EDARADD: variants seen among roughly 807,000 people sequenced by gnomAD.
EDARADD encodes EDAR associated via death domain.
EDARADD carries 20 observed loss-of-function variants against 25.6 expected under a neutral mutation model. The ratio of observed to expected loss-of-function variants is 0.78; its 90% CI spans 0.55 to 1.14. The LOEUF is 1.14. Ranked by LOEUF, EDARADD falls within the 50% of genes most tolerant of loss-of-function variation. The probability of loss-of-function intolerance (pLI) is 0.00; values close to 1 mark genes in which losing one functional copy is unlikely to be tolerated. For missense variants in EDARADD, 225 were observed against 270.1 expected, an observed-to-expected ratio of 0.83 and a Z score of 1.17; for synonymous variants, 86 against 94.4, an observed-to-expected ratio of 0.91 and a Z score of 0.52.
At chr1:236,480,096 C>CATATATATATATATATATATAT (rs72215388) in intron 5 of EDARADD, among the ~76,000 whole-genome samples, 1 of 77,834 alleles carries the variant, frequency 1.3e-5, no homozygotes, top group African/African-American at 6.2e-5. Context: ...TTAAGTATGC[C>CATATATATATATATATATATAT]ATATATATAT....
intron 4 of EDARADD, among the ~76,000 whole-genome samples, chr1:236,442,129 CT>C (rs74899359): frequency 0.056 from 8,026 of 143,052 alleles, 522 homozygotes; most frequent in African/African-American, 0.16. Flanking sequence ...TTCTTTCTTT[CT>C]TTTTTTTTTT....
intron 4 of EDARADD, among the ~76,000 whole-genome samples, chr1:236,429,221 T>C (rs1440483079): frequency 4.2e-5 from 2 of 48,086 alleles, no homozygotes; most frequent in Admixed American, 2.3e-4. Flanking sequence ...AGGGAGAGAT[T>C]TTTTTTTTTT....
intron 5 of EDARADD, among the ~76,000 whole-genome samples, chr1:236,476,248 C>A (rs1046501709): frequency 6.6e-6 from 1 of 151,584 alleles, no homozygotes; most frequent in African/African-American, 2.4e-5. Flanking sequence ...TTTACAGAAA[C>A]CTTCTGATGT....
chr1:236,426,087 T>A (rs1380928163), intron 3 of EDARADD, among the ~76,000 whole-genome samples: 1 of 152,064 alleles, frequency 6.6e-6, no homozygotes, highest in Non-Finnish European at 1.5e-5. Flanking sequence ...GCTCAAGTGA[T>A]CCTCCTCTCT....
intron 3 of EDARADD, among the ~76,000 whole-genome samples, chr1:236,351,250 A>T (rs1189896200): frequency 1.3e-5 from 2 of 152,112 alleles, no homozygotes; most frequent in African/African-American, 4.8e-5. Context: ...TGGCCCAAAT[A>T]AACTATTTAC....
At chr1:236,458,433 T>C (rs990680218) in intron 4 of EDARADD, among the ~76,000 whole-genome samples, 18 of 152,110 alleles carry the variant, frequency 1.2e-4, no homozygotes, top group Non-Finnish European at 4.4e-5. Flanking sequence ...AAAATATTTC[T>C]ATATAGGTGT....
At chr1:236,401,029 G>A (rs1232964965) in intron 1 of EDARADD, among the ~76,000 whole-genome samples, 2 of 151,898 alleles carry the variant, frequency 1.3e-5, no homozygotes, top group Non-Finnish European at 2.9e-5. Flanking sequence ...GAAACCCCAT[G>A]TCTAATAAAA....
chr1:236,422,765 G>A (rs918774755), intron 3 of EDARADD, among the ~76,000 whole-genome samples: 3 of 152,176 alleles, frequency 2.0e-5, no homozygotes. Context: ...TGAGGGATGG[G>A]GGAAGCCACC....
intron 1 of EDARADD, among the ~76,000 whole-genome samples, chr1:236,407,949 T>A (rs200575266): frequency 6.6e-6 from 1 of 152,200 alleles, no homozygotes; most frequent in East Asian, 1.9e-4. Context: ...TTTTCTTTAT[T>A]AGTCCACATA....
In EDARADD at chr1:236,394,487, G is replaced by T. The variant is rs148192841; in HGVS notation, c.43G>T (p.Ala15Ser). ...TAAACAGATGGGGAGAGGCACTAAA[G>T]CTCCTGGTCACCAAGAGGGTATGTA... is the stretch of plus-strand genomic sequence containing the variant. ...TTKQMGRGTK[A>S]PGHQEDHMVK... The change falls in exon 1 of 6, where the codon GCT (alanine) becomes TCT (serine). Residue 15 changes from alanine (A) to serine (S), a missense_variant. Physicochemically the swap from Ala to Ser is moderately conservative, Grantham distance 99 (BLOSUM62 1). Transcript: ENST00000334232. 3.7e-6 allele frequency: 6 copies of T among 1,614,106 alleles called. No homozygotes were observed. The highest frequency in any genetic ancestry group is 1.7e-5 in the Admixed American group (1 of 60,010).
rs2103007427 is a variant in EDARADD, at chr1:236,407,995, G to A, written c.62-1221G>A. 1.3e-5 allele frequency among the ~76,000 whole-genome samples: 2 copies of A among 152,226 alleles called. 1 individual carries two copies. Among genetic ancestry groups the A allele is most frequent in the Admixed American group, 1.3e-4 (2 of 15,282 alleles). Reference sequence around the variant, plus strand: ...AGAAGATTAAGAAAAATGAGTTGCAGCAAAATAGGAAATCAGGAAAGAAGT... The same window carrying A: ...AGAAGATTAAGAAAAATGAGTTGCAACAAAATAGGAAATCAGGAAAGAAGT... On this transcript the variant is annotated intron_variant, in intron 1 of 5. Transcript: ENST00000334232.
intron 3 of EDARADD, among the ~76,000 whole-genome samples, chr1:236,358,842 A>ATTCTATTG (rs1553261833): frequency 6.6e-6 from 1 of 151,724 alleles, no homozygotes; most frequent in Non-Finnish European, 1.5e-5. Flanking sequence ...GAGAATGTAT[A>ATTCTATTG]TTCTATTGTT....
intron 5 of EDARADD, among the ~76,000 whole-genome samples, chr1:236,470,368 T>C (rs1026456468): frequency 3.3e-5 from 5 of 152,246 alleles, no homozygotes; most frequent in Non-Finnish European, 5.9e-5. Context: ...TATTTTCTAA[T>C]TTTAAAAATC....
chr1:236,479,993 C>G lies in EDARADD; in HGVS notation c.266-2274C>G, dbSNP rs188300297. Among the ~76,000 whole-genome samples the G allele has an allele frequency of 3.3e-5, 5 of 151,322 alleles. No individual in the cohort carries two copies. In the East Asian group the frequency reaches 9.7e-4, roughly 29 times the overall value. On this transcript the variant is annotated intron_variant, in intron 5 of 5. Coordinates refer to ENST00000334232, the MANE Select transcript of EDARADD (RefSeq NM_145861.4). Reference sequence around the variant, plus strand: ...CCCAGGAGTTCCAGGTTATGATGAGCTATGACTGTGCCACCGCACTCCAGC... The same window carrying G: ...CCCAGGAGTTCCAGGTTATGATGAGGTATGACTGTGCCACCGCACTCCAGC...
chr1:236,357,391 C>A (rs1481193622), intron 3 of EDARADD, among the ~76,000 whole-genome samples: 1 of 152,118 alleles, frequency 6.6e-6, no homozygotes, highest in Non-Finnish European at 1.5e-5. Context: ...CTCAGTTCTG[C>A]GGGCTATACA....
At chr1:236,419,746 C>T (rs1263719126) in intron 3 of EDARADD, among the ~76,000 whole-genome samples, 3 of 152,162 alleles carry the variant, frequency 2.0e-5, no homozygotes, top group South Asian at 2.1e-4. Flanking sequence ...CAGGCAAAGA[C>T]CACACTTTTA....
chr1:236,435,437 A>G (rs1658224694), intron 4 of EDARADD, among the ~76,000 whole-genome samples: 1 of 152,188 alleles, frequency 6.6e-6, no homozygotes, highest in Non-Finnish European at 1.5e-5. Flanking sequence ...AATGCCTACT[A>G]CATAGTAGGT....
chr1:236,428,601 C>G (rs1204351657), intron 4 of EDARADD, among the ~76,000 whole-genome samples: 3 of 150,434 alleles, frequency 2.0e-5, no homozygotes, highest in African/African-American at 7.4e-5. Context: ...GAGGCGCTCC[C>G]CACATCCCAG....
intron 4 of EDARADD, among the ~76,000 whole-genome samples, 177 bp downstream of exon 4, chr1:236,427,627 T>C (rs1270155669): frequency 1.3e-5 from 2 of 152,204 alleles, no homozygotes; most frequent in Non-Finnish European, 2.9e-5. Flanking sequence ...AGAACTTTTT[T>C]ACTTCTAATA....
Sources: gnomAD v4.1 joint callset for allele counts (sites outside exome capture counted in the v4.1 genomes callset) on GRCh38, gnomAD v4.1.1 for gene constraint, MANE v1.5 for transcripts, NCBI Gene and HGNC (gene_info 2026-07-23, HGNC 2026-07-21) for gene names.